The following RAB28 variants were observed in gnomAD, a reference collection of about 807,000 sequenced individuals.
RAB28 encodes RAB28, member RAS oncogene family.
RAB28 carries 24 observed loss-of-function variants against 31.7 expected under a neutral mutation model. That is an observed-to-expected ratio of 0.76 (90% CI 0.55 to 1.06). The LOEUF is 1.06. Ranked by LOEUF, RAB28 falls within the 50% of genes least tolerant of loss-of-function variation. RAB28 has a pLI of 0.00. For missense variants in RAB28, 254 were observed against 258.5 expected (o/e 0.98, Z 0.12); for synonymous variants, 100 against 90.4 (o/e 1.11, Z -0.60).
At chr4:13,384,436 C>T (rs183819305) in intron 4 of RAB28, among the ~76,000 whole-genome samples, 210 of 152,302 alleles carry the variant, frequency 1.4e-3, no homozygotes, top group Non-Finnish European at 5.1e-4. Context: ...CGCTGCCTTA[C>T]GAAACACTTT....
chr4:13,376,503 G>C (rs765157267), intron 6 of RAB28, 42 bp downstream of exon 6: 1 of 1,426,070 alleles, frequency 7.0e-7, no homozygotes, highest in East Asian at 2.3e-5. Flanking sequence ...TGCCTTGTAA[G>C]AAATTCATTA....
chr4:13,456,495 A>G (rs1348423257), intron 4 of RAB28, among the ~76,000 whole-genome samples: 1 of 152,214 alleles, frequency 6.6e-6, no homozygotes, highest in African/African-American at 2.4e-5. Flanking sequence ...TATCCAACAT[A>G]AACTATTACC....
At chr4:13,386,970 A>T (rs953326837) in intron 4 of RAB28, among the ~76,000 whole-genome samples, 6 of 152,148 alleles carry the variant, frequency 3.9e-5, no homozygotes, top group African/African-American at 1.4e-4. Context: ...GGAGACCATT[A>T]TCCTTAGCAA....
intron 4 of RAB28, among the ~76,000 whole-genome samples, chr4:13,443,678 T>C (rs1458262835): frequency 6.6e-6 from 1 of 152,180 alleles, no homozygotes; most frequent in Non-Finnish European, 1.5e-5. Flanking sequence ...ATACTTGTCA[T>C]TTTTTGTGGT....
intron 4 of RAB28, among the ~76,000 whole-genome samples, chr4:13,423,432 G>A (rs1471464505): frequency 2.0e-5 from 3 of 151,080 alleles, no homozygotes; most frequent in Admixed American, 6.6e-5. Context: ...AGCTACTCGG[G>A]AGGCTGCACG....
intron 4 of RAB28, among the ~76,000 whole-genome samples, chr4:13,412,312 C>T (rs1302992813): frequency 6.6e-6 from 1 of 152,084 alleles, no homozygotes; most frequent in East Asian, 1.9e-4. Context: ...CATCAATGCT[C>T]AGATTGCTAG....
rs1715605656 is a variant in RAB28, at chr4:13,461,843, C to T, written c.262-1015G>A. 3.9e-5 allele frequency among the ~76,000 whole-genome samples: 6 copies of T among 152,218 alleles called. No individual in the cohort carries two copies. The South Asian group carries it at 1.0e-3, about 26-fold the overall frequency. The stretch of plus-strand genomic sequence containing the variant: ...AGGTTGTAACAGTAGTAATCAACTA[C>T]TTTTGTGCACCTATTGTATACCAGA... On this transcript the variant is annotated intron_variant, in intron 3 of 6. Coordinates refer to ENST00000330852, the MANE Select transcript of RAB28 (RefSeq NM_001017979.3).
intron 4 of RAB28, among the ~76,000 whole-genome samples, chr4:13,417,160 G>A (rs140072936): frequency 1.3e-5 from 2 of 152,350 alleles, no homozygotes; most frequent in Non-Finnish European, 2.9e-5. Context: ...CGATCGACCT[G>A]TGAGGCAGCC....
chr4:13,388,522 G>A (rs1238137646), intron 4 of RAB28, among the ~76,000 whole-genome samples: 4 of 151,898 alleles, frequency 2.6e-5, no homozygotes, highest in Non-Finnish European at 5.9e-5. Context: ...GACGAACAGG[G>A]CCACATCAAA....
chr4:13,391,344 A>C (rs1286645329), intron 4 of RAB28, among the ~76,000 whole-genome samples: 1 of 152,206 alleles, frequency 6.6e-6, no homozygotes. Flanking sequence ...GCAAATCAAA[A>C]CCACAATGAG....
chr4:13,370,661 A>G, intron 6 of RAB28: 1 of 984,824 alleles, frequency 1.0e-6, no homozygotes, highest in Non-Finnish European at 1.2e-6. Context: ...ACTATTTATT[A>G]CTTGTCCAAG....
intron 4 of RAB28, among the ~76,000 whole-genome samples, chr4:13,440,031 T>C (rs562158290): frequency 2.6e-4 from 39 of 152,276 alleles, no homozygotes; most frequent in African/African-American, 8.2e-4. Flanking sequence ...ATTAAATGTG[T>C]CATGACTGCC....
intron 5 of RAB28, 106 bp downstream of exon 5, chr4:13,381,385 A>G (rs1729122362): frequency 9.7e-6 from 7 of 718,268 alleles, no homozygotes; most frequent in Admixed American, 5.7e-5. Context: ...TCATGTTTTC[A>G]ATAGGAATTA....
intron 4 of RAB28, among the ~76,000 whole-genome samples, chr4:13,446,774 A>G (rs1714720336): frequency 1.3e-5 from 2 of 151,984 alleles, no homozygotes; most frequent in South Asian, 2.1e-4. Context: ...GGAGCTGCAG[A>G]CAGGACCCTG....
At chr4:13,428,584 AG>A (rs1713637051) in intron 4 of RAB28, among the ~76,000 whole-genome samples, 1 of 152,242 alleles carries the variant, frequency 6.6e-6, no homozygotes, top group Non-Finnish European at 1.5e-5. Flanking sequence ...TGAAATAATC[AG>A]AGGATTTGAA....
At chr4:13,381,057 T>G (rs1414822967) in intron 5 of RAB28, among the ~76,000 whole-genome samples, 2 of 152,086 alleles carry the variant, frequency 1.3e-5, no homozygotes, top group African/African-American at 4.8e-5. Flanking sequence ...TTATTAGCCG[T>G]GTAATCTGGA....
At chr4:13,403,958 T>C (rs1711925460) in intron 4 of RAB28, among the ~76,000 whole-genome samples, 1 of 152,216 alleles carries the variant, frequency 6.6e-6, no homozygotes, top group East Asian at 1.9e-4. Flanking sequence ...TATAAAATAT[T>C]CCTTAGATTT....
At chr4:13,450,992 A>G (rs1714940871) in intron 4 of RAB28, among the ~76,000 whole-genome samples, 1 of 151,864 alleles carries the variant, frequency 6.6e-6, no homozygotes. Flanking sequence ...AGGAGTTTGG[A>G]TTTCATTTGA....
chr4:13,477,319 C>A (rs887369589), intron 2 of RAB28, among the ~76,000 whole-genome samples: 1 of 151,448 alleles, frequency 6.6e-6, no homozygotes. Flanking sequence ...AATAGATGGA[C>A]AGGAGGTTTA....
Sources: allele counts gnomAD v4.1 joint callset (sites outside exome capture counted in the v4.1 genomes callset), GRCh38; gene constraint gnomAD v4.1.1; transcripts MANE v1.5; gene names NCBI Gene and HGNC (gene_info 2026-07-23, HGNC 2026-07-21).